Variants in ENDOV observed in about 807,000 individuals in gnomAD.
ENDOV encodes the protein endonuclease V.
A neutral mutation model predicts 39.4 loss-of-function variants in ENDOV; 37 were observed. The observed-to-expected ratio is 0.94, with a 90% CI of 0.72 to 1.23. The LOEUF (loss-of-function observed/expected upper bound fraction) is 1.23. ENDOV is among the 50% of genes most tolerant of loss of function. The probability of loss-of-function intolerance (pLI) is 0.00; values close to 1 mark genes in which losing one functional copy is unlikely to be tolerated. For synonymous variants in ENDOV, 186 were observed against 163.4 expected (o/e 1.14, Z -1.05); for missense variants, 441 against 375.7 (o/e 1.17, Z -1.44).
chr17:80,421,131 T>TG (rs2081957354), intron 2 of ENDOV, among the ~76,000 whole-genome samples: 2 of 152,210 alleles, frequency 1.3e-5, no homozygotes, highest in South Asian at 2.1e-4. Context: ...GACCAGGTCC[T>TG]GGGGGGCTCC....
intron 4 of ENDOV, among the ~76,000 whole-genome samples, chr17:80,422,609 G>T (rs1298539687): frequency 6.6e-6 from 1 of 152,256 alleles, no homozygotes; most frequent in East Asian, 1.9e-4. Flanking sequence ...AACCTGCATG[G>T]CCCGTCAGGC....
chr17:80,418,160 T>C (rs1334272202), intron 2 of ENDOV: 1 of 152,202 alleles, frequency 6.6e-6, no homozygotes, highest in East Asian at 1.9e-4. Context: ...CACACCCAAC[T>C]CTGCCACTCC....
Position 80,415,494 on chromosome 17 carries a change from G to T in ENDOV, c.57-156G>T, listed in dbSNP as rs947231421. On this transcript the variant is annotated intron_variant, in intron 1 of 9. Transcript: ENST00000518137. ...GCTTGCGCGGGTCTCCGCCGCCTGGGCTCCTAGGGACTGTGGCCTCGGCGG... is the reference window on the plus strand; with the variant it reads ...GCTTGCGCGGGTCTCCGCCGCCTGGTCTCCTAGGGACTGTGGCCTCGGCGG... 8 of 1,112,440 alleles carry T rather than the reference G, an allele frequency of 7.2e-6. No individual in the cohort carries two copies. In the South Asian group the frequency reaches 8.2e-5, roughly 11 times the overall value. 68.9% of individuals were successfully genotyped at this position (1,112,440 alleles called of 1,614,324 possible). A position where few individuals can be genotyped will look rare whatever the true frequency, so the allele number is the denominator to read the frequency against.
chr17:80,430,342 T>C (rs1479133833), intron 9 of ENDOV: 2 of 1,528,702 alleles, frequency 1.3e-6, no homozygotes, highest in African/African-American at 1.4e-5. Flanking sequence ...TGCTCTTTTT[T>C]ATTCTTCTCA....
At position 80,428,677 on chromosome 17, in the gene ENDOV, G is replaced by T. The variant is rs1248538712; in HGVS notation, c.779+17G>T. 15 of 1,566,944 alleles carry T rather than the reference G, an allele frequency of 9.6e-6. No homozygotes were observed. Among genetic ancestry groups the T allele is most frequent in the East Asian group, 2.4e-5 (1 of 42,340 alleles). ...CACACCGAGGTGAGCACCCAGGGAG[G>T]CTGGGGCACTAAAGGGGCATCTCAC... On this transcript the variant is annotated intron_variant, in intron 8 of 9. Coordinates refer to ENST00000518137, the MANE Select transcript of ENDOV (RefSeq NM_173627.5).
chr17:80,433,061 G>A, intron 9 of ENDOV: 1 of 517,858 alleles, frequency 1.9e-6, no homozygotes, highest in South Asian at 1.4e-5. Context: ...ACACTCACTG[G>A]CATTCCCACA....
chr17:80,415,646 C>T lies in ENDOV; in HGVS notation c.57-4C>T, dbSNP rs758015128. The T allele has an allele frequency of 1.6e-5, 26 of 1,610,590 alleles. No homozygotes were observed. The South Asian group carries it at 2.4e-4, about 15-fold the overall frequency. On this transcript the variant is annotated splice_polypyrimidine_tract_variant and splice_region_variant and intron_variant, in intron 1 of 9. Transcript: ENST00000518137. ...GACCAAGTTTGACGCTTCTGTCCTC[C>T]TAGGGAGCAAGCTCGGCTGAAGGCC...
chr17:80,428,593 C>G lies in ENDOV; in HGVS notation c.715-3C>G, dbSNP rs371966063. The G allele has an allele frequency of 4.9e-5, 77 of 1,579,066 alleles. No individual in the cohort carries two copies. The highest frequency in any genetic ancestry group is 1.6e-4 in the Admixed American group (9 of 55,774). ...CACCCAGCAGCACGTCTGTCTCCCC[C>G]AGGCTGACATCTGCTCCCGAGAGCA... On this transcript the variant is annotated splice_polypyrimidine_tract_variant and splice_region_variant and intron_variant, in intron 7 of 9. Transcript: ENST00000518137.
intron 4 of ENDOV, 87 bp downstream of exon 4, chr17:80,422,332 TG>T: frequency 6.6e-7 from 1 of 1,519,902 alleles, no homozygotes. Flanking sequence ...CAGAAAATGC[TG>T]GGCCCTCGGC....
chr17:80,427,146 G>A (rs930757057), intron 7 of ENDOV, among the ~76,000 whole-genome samples: 3 of 152,258 alleles, frequency 2.0e-5, no homozygotes, highest in Non-Finnish European at 2.9e-5. Context: ...CCACAGCCTT[G>A]CAGGGCTTTG....
intron 6 of ENDOV, 62 bp from the exon 7 acceptor site, chr17:80,425,430 C>T: frequency 6.5e-7 from 1 of 1,533,398 alleles, no homozygotes; most frequent in Non-Finnish European, 8.7e-7. Context: ...GCTGCTGAGG[C>T]TGTCCTGACC....
At chr17:80,421,482 C>T (rs1159793765) in intron 2 of ENDOV, among the ~76,000 whole-genome samples, 1 of 146,476 alleles carries the variant, frequency 6.8e-6, no homozygotes, top group Non-Finnish European at 1.5e-5. Flanking sequence ...CTCATATGGA[C>T]CGGGTCCCAG....
chr17:80,427,272 A>C (rs927284280), intron 7 of ENDOV, among the ~76,000 whole-genome samples: 2 of 152,154 alleles, frequency 1.3e-5, no homozygotes. Flanking sequence ...GAGAGAACCC[A>C]AGAAACTGTC....
intron 7 of ENDOV, among the ~76,000 whole-genome samples, chr17:80,426,107 C>T (rs933748001): frequency 7.2e-5 from 11 of 152,268 alleles, no homozygotes; most frequent in African/African-American, 1.9e-4. Flanking sequence ...TTCGGTCCCC[C>T]AGGAAGGGTG....
intron 7 of ENDOV, 61 bp from the exon 8 acceptor site, chr17:80,428,535 C>T: frequency 6.7e-7 from 1 of 1,490,640 alleles, no homozygotes; most frequent in South Asian, 1.2e-5. Context: ...AGCAGCAGCT[C>T]CTGGTGGGAA....
At chr17:80,423,293 G>A (rs932017251) in intron 4 of ENDOV, among the ~76,000 whole-genome samples, 14 of 152,368 alleles carry the variant, frequency 9.2e-5, no homozygotes, top group Non-Finnish European at 1.5e-4. Context: ...GGCACTGACC[G>A]TGTCAGAGAG....
rs775885299 is a variant in ENDOV, at chr17:80,428,591, C to G, written c.715-5C>G. ...AGCACCCAGCAGCACGTCTGTCTCC[C>G]CCAGGCTGACATCTGCTCCCGAGAG... On this transcript the variant is annotated splice_polypyrimidine_tract_variant and splice_region_variant and intron_variant, in intron 7 of 9. Transcript: ENST00000518137. The G allele has an allele frequency of 1.3e-6, 2 of 1,578,108 alleles. No individual in the cohort carries two copies. Among genetic ancestry groups the G allele is most frequent in the South Asian group, 2.3e-5 (2 of 85,886 alleles).
chr17:80,423,465 C>T (rs1173724905), intron 4 of ENDOV, 55 bp from the exon 5 acceptor site: 6 of 1,488,746 alleles, frequency 4.0e-6, no homozygotes, highest in Non-Finnish European at 5.4e-6. Context: ...TCCTGAATCC[C>T]TGTGCCAGGC....
intron 9 of ENDOV, among the ~76,000 whole-genome samples, chr17:80,431,793 G>T (rs980231779): frequency 6.6e-6 from 1 of 152,222 alleles, no homozygotes; most frequent in Non-Finnish European, 1.5e-5. Context: ...GGAGCTAGTG[G>T]ATGGGGACGG....
Sources: allele counts gnomAD v4.1 joint callset (sites outside exome capture counted in the v4.1 genomes callset), GRCh38; gene constraint gnomAD v4.1.1; transcripts MANE v1.5; gene names NCBI Gene and HGNC (gene_info 2026-07-23, HGNC 2026-07-21).